Variants in USH2A observed in about 807,000 individuals in gnomAD.
USH2A encodes the protein Usher syndrome 2A (autosomal recessive, mild).
Under a neutral mutation model 538.9 loss-of-function variants are expected in USH2A, and 443 were observed. The observed-to-expected ratio is 0.82, with a 90% CI of 0.76 to 0.89. The LOEUF is 0.89. Among genes scored for constraint, USH2A ranks in the 40% least tolerant of loss-of-function variants. USH2A has a pLI of 0.00. For synonymous variants in USH2A, 2,413 were observed against 2,273.5 expected, an observed-to-expected ratio of 1.06 and a Z score of -1.75; for missense variants, 6,633 against 6,324.8, an observed-to-expected ratio of 1.05 and a Z score of -1.65.
In USH2A at chr1:215,887,341, GA is replaced by G. The variant is rs201540532; in HGVS notation, c.8223+1084del. 3.9e-3 allele frequency among the ~76,000 whole-genome samples: 583 copies of G among 150,068 alleles called. 5 individuals carry two copies. Among genetic ancestry groups the G allele is most frequent in the African/African-American group, 0.014 (558 of 40,972 alleles). Reference sequence around the variant, plus strand: ...AGTTTTACAAAACTCCCCCAAGATTGAAAAAAAAAGTCATTTCTGGAATGAT... The same window carrying G: ...AGTTTTACAAAACTCCCCCAAGATTGAAAAAAAAGTCATTTCTGGAATGAT... On this transcript the variant is annotated intron_variant, in intron 41 of 71. Transcript: ENST00000307340.
chr1:216,307,731 G>A (rs2102632453), intron 9 of USH2A, among the ~76,000 whole-genome samples: 1 of 152,272 alleles, frequency 6.6e-6, no homozygotes, highest in East Asian at 1.9e-4. Flanking sequence ...TGGTTTTCCT[G>A]GGGGCTGAGA....
At chr1:215,861,888 G>A (rs1443848600) in intron 44 of USH2A, among the ~76,000 whole-genome samples, 1 of 133,128 alleles carries the variant, frequency 7.5e-6, no homozygotes, top group Non-Finnish European at 1.5e-5. Flanking sequence ...TCACCAGGCT[G>A]GAGTGCAGTG....
chr1:216,412,441 ATTCT>A (rs2039504010), intron 3 of USH2A, among the ~76,000 whole-genome samples: 1 of 152,088 alleles, frequency 6.6e-6, no homozygotes, highest in African/African-American at 2.4e-5. Flanking sequence ...TAAGGGAAAT[ATTCT>A]TTCTTTAAGC....
At chr1:215,894,515 A>G (rs562090428) in intron 40 of USH2A, among the ~76,000 whole-genome samples, 1 of 152,224 alleles carries the variant, frequency 6.6e-6, no homozygotes, top group East Asian at 1.9e-4. Context: ...CTCTTATTAC[A>G]GGTTGTGAGA....
intron 11 of USH2A, among the ~76,000 whole-genome samples, chr1:216,261,013 A>G (rs1014036714): frequency 1.3e-5 from 2 of 152,206 alleles, no homozygotes; most frequent in Admixed American, 6.6e-5. Context: ...AAACATGAGT[A>G]AAGGCCATTT....
intron 66 of USH2A, 31 bp downstream of exon 66, chr1:215,648,497 A>G (rs543971493): frequency 6.2e-7 from 1 of 1,605,308 alleles, no homozygotes; most frequent in South Asian, 1.1e-5. Context: ...ATGCCTTGTT[A>G]GTTTCTTCAT....
intron 4 of USH2A, among the ~76,000 whole-genome samples, chr1:216,361,148 ATGGTAGAAACAT>A (rs1438203883): frequency 6.6e-6 from 1 of 152,152 alleles, no homozygotes; most frequent in Admixed American, 6.5e-5. Context: ...CCACTGCAGA[ATGGTAGAAACAT>A]TGATTTGTTT....
intron 43 of USH2A, among the ~76,000 whole-genome samples, chr1:215,870,644 T>C (rs1179815906): frequency 6.6e-6 from 1 of 152,082 alleles, no homozygotes; most frequent in Non-Finnish European, 1.5e-5. Context: ...TATACTGTTT[T>C]CATTTCATCT....
intron 40 of USH2A, 147 bp downstream of exon 40, chr1:215,899,928 T>C: frequency 8.6e-7 from 1 of 1,157,054 alleles, no homozygotes; most frequent in Non-Finnish European, 1.2e-6. Context: ...TGACCACCTT[T>C]GCTCACTCTC....
intron 39 of USH2A, 141 bp downstream of exon 39, chr1:215,900,614 A>C: frequency 2.8e-6 from 3 of 1,066,114 alleles, no homozygotes; most frequent in Non-Finnish European, 4.1e-6. Context: ...GCAAATGATT[A>C]TCCTCTAATT....
intron 20 of USH2A, among the ~76,000 whole-genome samples, chr1:216,177,987 T>C (rs950459905): frequency 4.6e-5 from 7 of 152,156 alleles, no homozygotes; most frequent in African/African-American, 1.7e-4. Flanking sequence ...CGCAAAGTCA[T>C]TGCCTGTTTC....
chr1:215,694,380 C>T (rs538167555), intron 61 of USH2A, among the ~76,000 whole-genome samples: 52 of 152,238 alleles, frequency 3.4e-4, no homozygotes, highest in Admixed American at 4.6e-4. Context: ...AAGACCATCC[C>T]GGCTAACACT....
intron 60 of USH2A, 106 bp downstream of exon 60, chr1:215,741,269 A>G: frequency 7.4e-7 from 1 of 1,357,044 alleles, no homozygotes; most frequent in Non-Finnish European, 1.0e-6. Context: ...CACAACATGA[A>G]TTCCCATTCA....
chr1:216,408,356 T>G (rs940448335), intron 3 of USH2A, among the ~76,000 whole-genome samples: 4 of 152,138 alleles, frequency 2.6e-5, no homozygotes, highest in African/African-American at 9.7e-5. Flanking sequence ...GCGCATACAG[T>G]AGTCCCCCTT....
At chr1:215,936,247 G>A (rs766958459) in intron 37 of USH2A, among the ~76,000 whole-genome samples, 1 of 151,982 alleles carries the variant, frequency 6.6e-6, no homozygotes, top group Non-Finnish European at 1.5e-5. Context: ...TTGAACAAAT[G>A]CTTAAAAAGT....
intron 11 of USH2A, among the ~76,000 whole-genome samples, chr1:216,260,542 C>G (rs2036351117): frequency 6.6e-6 from 1 of 152,122 alleles, no homozygotes; most frequent in African/African-American, 2.4e-5. Context: ...AAACATCCTG[C>G]AATGCACATA....
At chr1:216,017,479 G>A (rs1269671579) in intron 32 of USH2A, among the ~76,000 whole-genome samples, 2 of 152,168 alleles carry the variant, frequency 1.3e-5, no homozygotes, top group Admixed American at 6.6e-5. Context: ...TTTTCTCTCA[G>A]AATTAGTTGG....
chr1:215,801,553 A>G (rs1259812074), intron 49 of USH2A, among the ~76,000 whole-genome samples: 1 of 151,942 alleles, frequency 6.6e-6, no homozygotes, highest in East Asian at 1.9e-4. Flanking sequence ...CATCAAAAAA[A>G]GAAAGACTTA....
chr1:216,128,979 C>T (rs2033314569), intron 21 of USH2A, among the ~76,000 whole-genome samples: 1 of 151,954 alleles, frequency 6.6e-6, no homozygotes, highest in Admixed American at 6.6e-5. Context: ...TTTTTTAGTT[C>T]TCACCTATGA....
Sources: gnomAD v4.1 joint callset for allele counts (sites outside exome capture counted in the v4.1 genomes callset) on GRCh38, gnomAD v4.1.1 for gene constraint, MANE v1.5 for transcripts, NCBI Gene and HGNC (gene_info 2026-07-23, HGNC 2026-07-21) for gene names.